PAX5: variants seen among roughly 807,000 people sequenced by gnomAD.
The protein encoded by PAX5 is paired box protein Pax-5.
A neutral mutation model predicts 43.7 loss-of-function variants in PAX5; 9 were observed. That is an observed-to-expected ratio of 0.21 (90% CI 0.12 to 0.36). PAX5 has a LOEUF of 0.36. PAX5 is among the 10% of genes least tolerant of loss of function. The probability of loss-of-function intolerance (pLI) is 1.00; values close to 1 mark genes in which losing one functional copy is unlikely to be tolerated. For missense variants in PAX5, 383 were observed against 532.7 expected, an observed-to-expected ratio of 0.72 and a Z score of 2.77; for synonymous variants, 228 against 214.3, an observed-to-expected ratio of 1.06 and a Z score of -0.56.
At chr9:36,897,804 A>G (rs1827999338) in intron 7 of PAX5, among the ~76,000 whole-genome samples, 1 of 152,238 alleles carries the variant, frequency 6.6e-6, no homozygotes, top group Non-Finnish European at 1.5e-5. Flanking sequence ...CCTGATGACG[A>G]GAATTACAAC....
rs182371231 is a variant in PAX5 at position 36,930,482 on chromosome 9, C to T, written c.781-6998G>A. On this transcript the variant is annotated intron_variant, in intron 6 of 9. Coordinates refer to ENST00000358127, the MANE Select transcript of PAX5 (RefSeq NM_016734.3). Reference sequence around the variant, plus strand: ...GCTCAATTGATCCACCCACCCCAACCTCCCAAAGTGCTGGGATTACAGGCG... The same window carrying T: ...GCTCAATTGATCCACCCACCCCAACTTCCCAAAGTGCTGGGATTACAGGCG... Among the ~76,000 whole-genome samples, 25 of 152,316 alleles carry T rather than the reference C, an allele frequency of 1.6e-4. 1 individual carries two copies. The East Asian group carries it at 4.4e-3, about 27-fold the overall frequency.
chr9:36,959,432 CT>C (rs1833768239), intron 6 of PAX5, among the ~76,000 whole-genome samples: 1 of 152,234 alleles, frequency 6.6e-6, no homozygotes, highest in African/African-American at 2.4e-5. Context: ...AACCTCAAGC[CT>C]TCTCTTCATC....
At chr9:36,902,486 A>C (rs916753633) in intron 7 of PAX5, among the ~76,000 whole-genome samples, 12 of 152,236 alleles carry the variant, frequency 7.9e-5, no homozygotes, top group African/African-American at 2.4e-4. Flanking sequence ...TTCATCCGGG[A>C]GGGTGCCGTG....
chr9:36,987,976 G>C (rs888696582), intron 5 of PAX5, among the ~76,000 whole-genome samples: 3 of 152,236 alleles, frequency 2.0e-5, no homozygotes, highest in African/African-American at 7.2e-5. Flanking sequence ...ATTCAGAAGT[G>C]CTGGATGGCG....
intron 6 of PAX5, among the ~76,000 whole-genome samples, chr9:36,956,850 C>T (rs1455226199): frequency 1.3e-5 from 2 of 152,106 alleles, no homozygotes; most frequent in African/African-American, 4.8e-5. Context: ...TCTAGAGGCA[C>T]CCGGCACTTC....
intron 6 of PAX5, among the ~76,000 whole-genome samples, chr9:36,935,109 T>C (rs1025428547): frequency 7.2e-5 from 11 of 152,310 alleles, no homozygotes; most frequent in Middle Eastern, 3.4e-3. Flanking sequence ...AGGCCAGGCA[T>C]GGTGGCTCAT....
At chr9:36,843,967 G>A (rs187010763) in intron 9 of PAX5, among the ~76,000 whole-genome samples, 7 of 152,328 alleles carry the variant, frequency 4.6e-5, no homozygotes, top group Admixed American at 1.3e-4. Flanking sequence ...GTTGTGTGGT[G>A]GGTGTTGTCC....
chr9:36,951,136 A>AG (rs527289774), intron 6 of PAX5, among the ~76,000 whole-genome samples: 1 of 152,186 alleles, frequency 6.6e-6, no homozygotes, highest in East Asian at 1.9e-4. Context: ...TGGTGTAAGT[A>AG]GGGGGCAGGA....
chr9:36,914,931 A>G (rs199986779), intron 7 of PAX5, among the ~76,000 whole-genome samples: 1 of 152,226 alleles, frequency 6.6e-6, no homozygotes, highest in East Asian at 1.9e-4. Flanking sequence ...TAAATACTTA[A>G]TATTTACTTC....
At chr9:36,953,850 A>T (rs1392666371) in intron 6 of PAX5, among the ~76,000 whole-genome samples, 1 of 152,144 alleles carries the variant, frequency 6.6e-6, no homozygotes, top group Non-Finnish European at 1.5e-5. Flanking sequence ...AGGCAGGTTG[A>T]TTACCTGGGC....
chr9:37,021,998 T>C (rs537902479), intron 1 of PAX5, among the ~76,000 whole-genome samples: 1 of 152,126 alleles, frequency 6.6e-6, no homozygotes, highest in Non-Finnish European at 1.5e-5. Flanking sequence ...AGCCACCTCA[T>C]CTCAGCTATT....
At chr9:37,006,685 T>G in intron 3 of PAX5, 148 bp from the exon 4 acceptor site, 1 of 674,682 alleles carries the variant, frequency 1.5e-6, no homozygotes, top group Non-Finnish European at 2.7e-6. Flanking sequence ...AGGGAGATTA[T>G]AAACCCAGGC....
In PAX5 at chr9:36,985,659, C is replaced by G. The variant is rs546364745; in HGVS notation, c.604+16989G>C. Among the ~76,000 whole-genome samples, 3 of 152,208 alleles carry G rather than the reference C, an allele frequency of 2.0e-5. No individual in the cohort carries two copies. In the East Asian group the frequency reaches 5.8e-4, roughly 29 times the overall value. On this transcript the variant is annotated intron_variant, in intron 5 of 9. Coordinates refer to ENST00000358127, the MANE Select transcript of PAX5 (RefSeq NM_016734.3). ...TAGGGCAAGAAGAGCTTTCTGAGGC[C>G]GGCGCCTGGCCACAGAGCATGGGGA...
rs1826573618 is a variant in PAX5, at chr9:36,882,936, G to A, written c.911-831C>T. Among the ~76,000 whole-genome samples, 2 of 152,240 alleles carry A rather than the reference G, an allele frequency of 1.3e-5. No homozygotes were observed. The highest frequency in any genetic ancestry group is 4.8e-5 in the African/African-American group (2 of 41,464). On this transcript the variant is annotated intron_variant, in intron 7 of 9. Transcript: ENST00000358127. The surrounding 1 kb of genome is among the most constrained non-coding windows in gnomAD (Gnocchi z 4.4). ...ACGCAGAGGAAAATTCAATTGCACA[G>A]TTTTGATGGGTGTGCATGTTGGGGT... is the stretch of plus-strand genomic sequence containing the variant.
At chr9:37,017,678 T>TC (rs946807467) in intron 2 of PAX5, among the ~76,000 whole-genome samples, 10 of 151,842 alleles carry the variant, frequency 6.6e-5, no homozygotes, top group Non-Finnish European at 1.2e-4. Flanking sequence ...AAGCTGAAGG[T>TC]CCCCCCCAGC....
Position 37,032,764 on chromosome 9 carries a change from C to A in PAX5, c.46+1222G>T, listed in dbSNP as rs745795311. Among the ~76,000 whole-genome samples, 8 of 152,212 alleles carry A rather than the reference C, an allele frequency of 5.3e-5. No individual in the cohort carries two copies. The East Asian group carries it at 1.5e-3, about 29-fold the overall frequency. ...AGTGAGTGAAAGAGGCCCCCCATAC[C>A]TGATTCATGCCTCAGGGCAGATGGA... On this transcript the variant is annotated intron_variant, in intron 1 of 9. Coordinates refer to ENST00000358127, the MANE Select transcript of PAX5 (RefSeq NM_016734.3).
intron 8 of PAX5, among the ~76,000 whole-genome samples, chr9:36,874,384 T>G (rs866333010): frequency 1.3e-5 from 2 of 152,168 alleles, no homozygotes; most frequent in Admixed American, 6.5e-5. Flanking sequence ...CTGCTTGGCC[T>G]CCAAAAGTTG....
At chr9:36,977,688 A>T (rs1374091959) in intron 5 of PAX5, among the ~76,000 whole-genome samples, 2 of 151,922 alleles carry the variant, frequency 1.3e-5, no homozygotes, top group Non-Finnish European at 2.9e-5. Flanking sequence ...GCACCACCAC[A>T]CCCGGCTAAT....
At chr9:36,863,109 G>A (rs976937956) in intron 8 of PAX5, among the ~76,000 whole-genome samples, 2 of 152,178 alleles carry the variant, frequency 1.3e-5, no homozygotes, top group African/African-American at 4.8e-5. Context: ...GACAGCCCAG[G>A]GGAAACTTTA....
Sources: allele counts gnomAD v4.1 joint callset (sites outside exome capture counted in the v4.1 genomes callset), GRCh38; gene constraint gnomAD v4.1.1; non-coding constraint Gnocchi (gnomAD v3.1); transcripts MANE v1.5; gene names NCBI Gene and HGNC (gene_info 2026-07-23, HGNC 2026-07-21).